The following PSG2 variants were observed in gnomAD, a reference collection of about 807,000 sequenced individuals.
PSG2 encodes the protein pregnancy-specific beta-1-glycoprotein 2.
Under a neutral mutation model 36.2 loss-of-function variants are expected in PSG2, and 49 were observed. The ratio of observed to expected loss-of-function variants is 1.35; its 90% CI spans 1.08 to 1.72. The LOEUF is 1.72. PSG2 is among the 40% of genes most tolerant of loss of function. The pLI is 0.00. For synonymous variants in PSG2, 261 were observed against 155.6 expected, an observed-to-expected ratio of 1.68 and a Z score of -5.04; for missense variants, 605 against 407.2, an observed-to-expected ratio of 1.49 and a Z score of -4.18.
chr19:43,080,827 A>G, intron 2 of PSG2, 54 bp downstream of exon 2: 1 of 1,612,060 alleles, frequency 6.2e-7, no homozygotes, highest in Non-Finnish European at 8.5e-7. Context: ...TGTGTGTGTG[A>G]AGTAGAAATG....
intron 4 of PSG2, 98 bp downstream of exon 4, chr19:43,071,602 A>T: frequency 6.2e-7 from 1 of 1,610,498 alleles, no homozygotes; most frequent in Non-Finnish European, 8.5e-7. Context: ...TGCCCATGGG[A>T]CACAGGCTGG....
Position 43,072,563 on chromosome 19 carries a change from G to T in PSG2, c.710-609C>A, listed in dbSNP as rs887565307. Reference sequence around the variant, plus strand: ...CTCACTCTTAGGTTCACAGGTGAAGGCTAATACATCCTTATTCTCCCTGGG... The same window carrying T: ...CTCACTCTTAGGTTCACAGGTGAAGTCTAATACATCCTTATTCTCCCTGGG... On this transcript the variant is annotated intron_variant, in intron 3 of 5. Coordinates refer to ENST00000406487, the MANE Select transcript of PSG2 (RefSeq NM_031246.4). 2.5e-6 allele frequency: 4 copies of T among 1,611,266 alleles called. 1 individual carries two copies. The highest frequency in any genetic ancestry group is 2.7e-5 in the African/African-American group (2 of 74,444).
Position 43,082,495 on chromosome 19 carries a change from T to C in PSG2, c.64+11A>G, listed in dbSNP as rs752643787. ...CTCCTCCTGTCCTCTCCCAGGAAGT[T>C]CTCTCCTCACCTGTGACCAGGAGCC... On this transcript the variant is annotated intron_variant, in intron 1 of 5. Coordinates refer to ENST00000406487, the MANE Select transcript of PSG2 (RefSeq NM_031246.4). The C allele has an allele frequency of 1.9e-5, 31 of 1,610,500 alleles. No homozygotes were observed. In the Admixed American group the frequency reaches 2.2e-4, roughly 11 times the overall value.
chr19:43,068,446 TC>T (rs1683643972), intron 4 of PSG2, among the ~76,000 whole-genome samples: 1 of 138,574 alleles, frequency 7.2e-6, no homozygotes, highest in Non-Finnish European at 1.5e-5. Flanking sequence ...CCTGTCTCTC[TC>T]TTTTCAACAA....
chr19:43,073,407 C>A (rs1478513929), intron 3 of PSG2, among the ~76,000 whole-genome samples: 1 of 151,628 alleles, frequency 6.6e-6, no homozygotes, highest in Non-Finnish European at 1.5e-5. Context: ...CAGGTGAGGA[C>A]CATGTGGATC....
At chr19:43,080,199 A>C (rs371359194) in intron 2 of PSG2, among the ~76,000 whole-genome samples, 3 of 151,762 alleles carry the variant, frequency 2.0e-5, no homozygotes, top group African/African-American at 7.3e-5. Context: ...GGGACATTAG[A>C]CTTCCTATGG....
intron 3 of PSG2, among the ~76,000 whole-genome samples, chr19:43,074,860 C>A (rs142306987): frequency 1.3e-5 from 2 of 151,660 alleles, no homozygotes; most frequent in Non-Finnish European, 2.9e-5. Flanking sequence ...GAATGCTCTG[C>A]CAGTGGGTGA....
intron 4 of PSG2, among the ~76,000 whole-genome samples, chr19:43,067,933 A>G (rs1187213862): frequency 6.6e-6 from 1 of 151,458 alleles, no homozygotes; most frequent in Non-Finnish European, 1.5e-5. Context: ...ACTTCAGGAT[A>G]TGAAAGAAGA....
chr19:43,066,592 T>A lies in PSG2; in HGVS notation c.973A>T (p.Arg325Ter). The change falls in exon 5 of 6, where the codon AGA becomes TGA. Residue 325 changes from arginine to a stop codon, truncating the protein, a stop_gained. Transcript: ENST00000406487. LOFTEE classifies it high-confidence loss of function. Reference protein sequence around the residue: ...SLTVKVSASTRIGLLPLLNPT With the variant: ...SLTVKVSAST ...TTAAGGAGAGGAAGAAGTCCTATTC[T>A]TGTAGAAGCTGTCATGGAAAGAAAA... The A allele has an allele frequency of 6.3e-7, 1 of 1,599,948 alleles. No individual in the cohort carries two copies. The highest frequency in any genetic ancestry group is 8.6e-7 in the Non-Finnish European group (1 of 1,167,846).
intron 2 of PSG2, among the ~76,000 whole-genome samples, chr19:43,078,632 T>G (rs189373838): frequency 0.1 from 15,235 of 151,474 alleles, 1,029 homozygotes; most frequent in Admixed American, 0.15. Flanking sequence ...GCAGTACTCA[T>G]TTTTCAGTCC....
At chr19:43,078,517 C>G (rs960856923) in intron 2 of PSG2, among the ~76,000 whole-genome samples, 2 of 151,628 alleles carry the variant, frequency 1.3e-5, no homozygotes, top group African/African-American at 4.9e-5. Context: ...TCATCCATAC[C>G]TATGATTAAT....
chr19:43,068,051 T>C (rs930366370), intron 4 of PSG2, among the ~76,000 whole-genome samples: 3 of 151,322 alleles, frequency 2.0e-5, no homozygotes, highest in Non-Finnish European at 4.4e-5. Context: ...AAACCAAAAG[T>C]TGATTCTTCA....
intron 2 of PSG2, among the ~76,000 whole-genome samples, chr19:43,077,391 C>T (rs958270610): frequency 5.6e-4 from 85 of 151,728 alleles, no homozygotes; most frequent in Admixed American, 2.3e-3. Flanking sequence ...AAAGAACTCC[C>T]TGCTTCTAAT....
chr19:43,071,609 C>A, intron 4 of PSG2, 91 bp downstream of exon 4: 1 of 1,610,916 alleles, frequency 6.2e-7, no homozygotes, highest in Non-Finnish European at 8.5e-7. Context: ...GGGACACAGG[C>A]TGGGAATAAA....
chr19:43,069,678 T>C (rs879926988), intron 4 of PSG2, among the ~76,000 whole-genome samples: 1 of 151,616 alleles, frequency 6.6e-6, no homozygotes, highest in Non-Finnish European at 1.5e-5. Context: ...AACCTTTACA[T>C]AACACCATGT....
chr19:43,070,302 A>C (rs191198726), intron 4 of PSG2, among the ~76,000 whole-genome samples: 2 of 151,852 alleles, frequency 1.3e-5, no homozygotes, highest in Non-Finnish European at 2.9e-5. Flanking sequence ...GTTTCTCAAA[A>C]AATTAAACAA....
chr19:43,069,224 A>G lies in PSG2; in HGVS notation c.964+2476T>C, dbSNP rs530912588. ...AAGAAATGAAAGATGACATCAATAA[A>G]TTGAAGGACATTTTGTTTTCATGAA... On this transcript the variant is annotated intron_variant, in intron 4 of 5. Coordinates refer to ENST00000406487, the MANE Select transcript of PSG2 (RefSeq NM_031246.4). Among the ~76,000 whole-genome samples, 878 of 123,494 alleles carry G rather than the reference A, an allele frequency of 7.1e-3. 22 individuals carry two copies. The highest frequency in any genetic ancestry group is 0.012 in the Middle Eastern group (3 of 248). The allele number at this position is 123,494 out of a possible 152,430, so 81.0% of individuals were successfully genotyped here.
chr19:43,081,196 C>G lies in PSG2; in HGVS notation c.115G>C (p.Glu39Gln). Residue 39 changes from glutamate (E) to glutamine (Q), a missense_variant, in exon 2 of 6, where the codon GAA becomes CAA. By Grantham distance (29) the Glu-to-Gln change is conservative. Transcript: ENST00000406487. The stretch of plus-strand genomic sequence containing the variant: ...TCGGAAACTTTTGGTGGCTGGGCTT[C>G]AATCGTGACTTGGGCAGTGGTGGGC... ...NLPTTAQVTI[E>Q]AQPPKVSEGK... 1 of 1,612,618 alleles carries G rather than the reference C, an allele frequency of 6.2e-7. No homozygotes were observed. Among genetic ancestry groups the G allele is most frequent in the Non-Finnish European group, 8.5e-7 (1 of 1,179,608 alleles).
chr19:43,079,778 G>C (rs1967945727), intron 2 of PSG2, among the ~76,000 whole-genome samples: 1 of 151,700 alleles, frequency 6.6e-6, no homozygotes, highest in South Asian at 2.1e-4. Context: ...TCTGAGGTTT[G>C]GATGCCTAAG....
Sources: allele counts gnomAD v4.1 joint callset (sites outside exome capture counted in the v4.1 genomes callset), GRCh38; gene constraint gnomAD v4.1.1; transcripts MANE v1.5; gene names NCBI Gene and HGNC (gene_info 2026-07-23, HGNC 2026-07-21).